TM4SF20: variants seen among roughly 807,000 people sequenced by gnomAD.
TM4SF20 encodes the protein transmembrane 4 L six family member 20.
Under a neutral mutation model 15.1 loss-of-function variants are expected in TM4SF20, and 13 were observed. The observed-to-expected ratio is 0.86, with a 90% CI of 0.56 to 1.36. The LOEUF (loss-of-function observed/expected upper bound fraction) is 1.36, where lower values mean the gene tolerates loss of function less well. Among genes scored for constraint, TM4SF20 ranks in the 40% most tolerant of loss-of-function variants. The pLI is 0.00. For missense variants in TM4SF20, 282 were observed against 268.4 expected (o/e 1.05, Z -0.35); for synonymous variants, 92 against 96.6 (o/e 0.95, Z 0.28).
At chr2:227,378,555 C>T (rs1457368249) in intron 1 of TM4SF20, among the ~76,000 whole-genome samples, 1 of 152,154 alleles carries the variant, frequency 6.6e-6, no homozygotes, top group Non-Finnish European at 1.5e-5. Flanking sequence ...TTCCTTGAGG[C>T]CAGAGACCCA....
At chr2:227,379,046 C>A (rs1490210054) in intron 1 of TM4SF20, 40 bp downstream of exon 1, 1 of 1,589,048 alleles carries the variant, frequency 6.3e-7, no homozygotes, top group South Asian at 1.1e-5. Context: ...GTGAAATAGG[C>A]AGGCCCTTCT....
At chr2:227,371,013 T>C in intron 1 of TM4SF20, 33 bp from the exon 2 acceptor site, 1 of 1,573,748 alleles carries the variant, frequency 6.4e-7, no homozygotes. Context: ...AGATGAGTAT[T>C]ATAACTTCTC....
intron 1 of TM4SF20, 113 bp from the exon 2 acceptor site, chr2:227,371,093 C>A (rs2076419469): frequency 7.6e-6 from 7 of 925,294 alleles, no homozygotes; most frequent in Admixed American, 5.6e-5. Context: ...GCTCAAAGAA[C>A]AAAAAGGGAA....
Position 227,363,666 on chromosome 2 carries a change from CAA to C in TM4SF20, c.*56_*57del, listed in dbSNP as rs987036591. The C allele has an allele frequency of 6.6e-7, 1 of 1,513,982 alleles. No individual in the cohort carries two copies. The highest frequency in any genetic ancestry group is 1.4e-5 in the African/African-American group (1 of 71,898). 93.8% of individuals were successfully genotyped at this position (1,513,982 alleles called of 1,614,324 possible). On this transcript the variant is annotated 3_prime_UTR_variant, in exon 4 of 4. Coordinates refer to ENST00000304568, the MANE Select transcript of TM4SF20 (RefSeq NM_024795.4). ...ATCATCTCAAAGATGACTTTGAAAACAAGTGTACTTCTCAAATTAATTCAAAC... is the reference window on the plus strand; with the variant it reads ...ATCATCTCAAAGATGACTTTGAAAACGTGTACTTCTCAAATTAATTCAAAC...
chr2:227,375,180 G>A (rs2076441472), intron 1 of TM4SF20, among the ~76,000 whole-genome samples: 1 of 152,004 alleles, frequency 6.6e-6, no homozygotes, highest in Admixed American at 6.6e-5. Context: ...ACCCACCTCA[G>A]CCTCTCAAGA....
At chr2:227,371,252 T>A (rs565336405) in intron 1 of TM4SF20, among the ~76,000 whole-genome samples, 71 of 152,328 alleles carry the variant, frequency 4.7e-4, no homozygotes, top group African/African-American at 1.7e-3. Context: ...CTGCAGAGAA[T>A]TGGATTTTAA....
chr2:227,377,636 A>G lies in TM4SF20; in HGVS notation c.183+1450T>C, dbSNP rs191358413. Among the ~76,000 whole-genome samples the G allele has an allele frequency of 7.6e-3, 1,151 of 152,280 alleles. 39 individuals are homozygous for G. Among genetic ancestry groups the G allele is most frequent in the East Asian group, 0.069 (356 of 5,188 alleles). On this transcript the variant is annotated intron_variant, in intron 1 of 3. Coordinates refer to ENST00000304568, the MANE Select transcript of TM4SF20 (RefSeq NM_024795.4). ...CTGAATTTCTTTAAAAATCACCTCC[A>G]CAGCCATAAAAAAGGAATGAGATCA...
chr2:227,370,854 T>C (rs536466462), intron 2 of TM4SF20, 61 bp downstream of exon 2: 34 of 1,431,274 alleles, frequency 2.4e-5, no homozygotes, highest in Admixed American at 1.7e-4. Context: ...AGTGTGGCTT[T>C]GCTTAGGTAG....
intron 1 of TM4SF20, among the ~76,000 whole-genome samples, chr2:227,375,919 C>G (rs936581464): frequency 6.6e-6 from 1 of 152,034 alleles, no homozygotes; most frequent in African/African-American, 2.4e-5. Flanking sequence ...AATAAAATGG[C>G]CTTTCTGTTT....
At chr2:227,379,011 C>T in intron 1 of TM4SF20, 75 bp downstream of exon 1, 1 of 1,469,596 alleles carries the variant, frequency 6.8e-7, no homozygotes, top group South Asian at 1.3e-5. Context: ...AACTGCAAGA[C>T]TGGAAGACAG....
At chr2:227,379,810 G>A (rs1276435957), upstream of TM4SF20, among the ~76,000 whole-genome samples, 1 of 152,224 alleles carries the variant, frequency 6.6e-6, no homozygotes, top group Non-Finnish European at 1.5e-5. Flanking sequence ...CCCATTTAGA[G>A]ATAGCCCACC....
chr2:227,372,505 G>A (rs2076425953), intron 1 of TM4SF20, among the ~76,000 whole-genome samples: 1 of 152,050 alleles, frequency 6.6e-6, no homozygotes, highest in Non-Finnish European at 1.5e-5. Flanking sequence ...TTAGCTGGGC[G>A]AGGTGGTGCA....
chr2:227,365,321 A>C (rs1299839398), intron 3 of TM4SF20, among the ~76,000 whole-genome samples: 1 of 152,248 alleles, frequency 6.6e-6, no homozygotes, highest in African/African-American at 2.4e-5. Flanking sequence ...ATGTAACTAC[A>C]AAAGTAAATT....
rs201095743 is a variant in TM4SF20, at chr2:227,370,963, T to C, written c.201A>G (p.Thr67=). The C allele has an allele frequency of 1.1e-4, 175 of 1,613,894 alleles. No individual in the cohort carries two copies. Among genetic ancestry groups the C allele is most frequent in the Admixed American group, 2.5e-4 (15 of 60,020 alleles). The change falls in exon 2 of 4, where the codon ACA becomes ACG. Residue 67 remains threonine, a synonymous_variant. Coordinates refer to ENST00000304568, the MANE Select transcript of TM4SF20 (RefSeq NM_024795.4). ...CTCTTTTTCTTGCTGTCAAGGACAT[T>C]GTTGTTGCTGGAATGGCCTGGAAAT... is the stretch of plus-strand genomic sequence containing the variant. The part of the protein sequence containing the change: ...GAGLMAIPAT[T]MSLTARKRAC...
At chr2:227,380,134 G>C (rs530894163), upstream of TM4SF20, among the ~76,000 whole-genome samples, 3 of 152,358 alleles carry the variant, frequency 2.0e-5, no homozygotes, top group African/African-American at 7.2e-5. Context: ...TTCGAGATCA[G>C]TCTGGCCAAC....
intron 1 of TM4SF20, among the ~76,000 whole-genome samples, chr2:227,375,955 G>A (rs2106495638): frequency 6.6e-6 from 1 of 152,226 alleles, no homozygotes; most frequent in Admixed American, 6.5e-5. Flanking sequence ...AACATTTTGA[G>A]ATCTTTTTAA....
At chr2:227,369,482 G>A (rs1408378246) in intron 2 of TM4SF20, among the ~76,000 whole-genome samples, 2 of 140,234 alleles carry the variant, frequency 1.4e-5, no homozygotes, top group South Asian at 2.3e-4. Context: ...AGGCTGAAGT[G>A]CAGTGATGTG....
At chr2:227,364,382 T>G (rs1308132325) in intron 3 of TM4SF20, among the ~76,000 whole-genome samples, 2 of 137,200 alleles carry the variant, frequency 1.5e-5, no homozygotes, top group African/African-American at 6.5e-5. Flanking sequence ...GAGCCTCCCC[T>G]ACCCCCCGCC....
upstream of TM4SF20, among the ~76,000 whole-genome samples, chr2:227,380,519 A>G (rs1301211966): frequency 6.6e-6 from 1 of 152,178 alleles, no homozygotes; most frequent in Non-Finnish European, 1.5e-5. Context: ...TACTGGATCT[A>G]TATGTTTCTG....
Sources: allele counts gnomAD v4.1 joint callset (sites outside exome capture counted in the v4.1 genomes callset), GRCh38; gene constraint gnomAD v4.1.1; transcripts MANE v1.5; gene names NCBI Gene and HGNC (gene_info 2026-07-23, HGNC 2026-07-21).